Variants in TMEM117 observed in about 807,000 individuals in gnomAD.
TMEM117 encodes the protein transmembrane protein 117.
A neutral mutation model predicts 52.4 loss-of-function variants in TMEM117; 27 were observed. The ratio of observed to expected loss-of-function variants is 0.51; its 90% CI spans 0.38 to 0.71. The LOEUF (loss-of-function observed/expected upper bound fraction) is 0.71. TMEM117 is among the 30% of genes least tolerant of loss of function. The pLI is 0.00. For synonymous variants in TMEM117, 215 were observed against 206.3 expected, an observed-to-expected ratio of 1.04 and a Z score of -0.36; for missense variants, 556 against 630.5, an observed-to-expected ratio of 0.88 and a Z score of 1.26.
At chr12:44,108,438 G>T (rs1283265256) in intron 3 of TMEM117, among the ~76,000 whole-genome samples, 1 of 96,110 alleles carries the variant, frequency 1.0e-5, no homozygotes, top group Non-Finnish European at 2.0e-5. Context: ...TCCCACCTAT[G>T]AGTGAGAATA....
At chr12:43,965,713 G>T (rs1945473139) in intron 3 of TMEM117, among the ~76,000 whole-genome samples, 1 of 152,170 alleles carries the variant, frequency 6.6e-6, no homozygotes, top group Admixed American at 6.5e-5. Flanking sequence ...AGATTAGGAA[G>T]AGTAAGCAAT....
chr12:43,949,521 C>T (rs148124741), intron 3 of TMEM117, among the ~76,000 whole-genome samples: 22 of 152,258 alleles, frequency 1.4e-4, no homozygotes, highest in East Asian at 3.9e-4. Context: ...AGTTAAACTC[C>T]GCCATTTTGT....
chr12:44,348,876 T>G (rs17094496), intron 6 of TMEM117, among the ~76,000 whole-genome samples: 4,306 of 152,018 alleles, frequency 0.028, 70 homozygotes, highest in Middle Eastern at 0.051. Context: ...GGTCTTATTC[T>G]TTTTTCATTC....
At chr12:43,910,666 T>C (rs1269043431) in intron 2 of TMEM117, among the ~76,000 whole-genome samples, 1 of 147,840 alleles carries the variant, frequency 6.8e-6, no homozygotes, top group Non-Finnish European at 1.5e-5. Flanking sequence ...ACAAAATCAA[T>C]GTACAAAAAT....
At chr12:43,799,390 T>G in the TMEM117 span, 3 of 1,582,108 alleles carry the variant, frequency 1.9e-6, no homozygotes, top group East Asian at 6.7e-5. Flanking sequence ...TTTGTAGTTG[T>G]AACTTACCTC....
At chr12:44,272,796 T>C (rs1360612401) in intron 5 of TMEM117, among the ~76,000 whole-genome samples, 1 of 152,162 alleles carries the variant, frequency 6.6e-6, no homozygotes, top group East Asian at 1.9e-4. Flanking sequence ...GTTCAACCAC[T>C]GTGGAAGACA....
At chr12:44,158,078 T>C (rs562233746) in intron 4 of TMEM117, among the ~76,000 whole-genome samples, 97 of 152,312 alleles carry the variant, frequency 6.4e-4, no homozygotes, top group African/African-American at 2.2e-3. Flanking sequence ...CTATATTCTC[T>C]AAAATGGATT....
At chr12:44,262,971 C>G (rs146795703) in intron 5 of TMEM117, among the ~76,000 whole-genome samples, 1 of 152,276 alleles carries the variant, frequency 6.6e-6, no homozygotes, top group African/African-American at 2.4e-5. Flanking sequence ...TTCTCACAAC[C>G]AGACTTTGTT....
chr12:43,828,009 A>G, the TMEM117 span, among the ~76,000 whole-genome samples: 4 of 152,326 alleles, frequency 2.6e-5, no homozygotes, highest in African/African-American at 9.6e-5. Context: ...AGAGACAAGG[A>G]AGATTCTCTT....
chr12:43,820,694 A>T, the TMEM117 span, among the ~76,000 whole-genome samples: 1 of 151,880 alleles, frequency 6.6e-6, no homozygotes, highest in Admixed American at 6.6e-5. Flanking sequence ...TATTGTCCTC[A>T]TAATCAAAAG....
intron 3 of TMEM117, among the ~76,000 whole-genome samples, chr12:44,037,269 G>A (rs906143299): frequency 3.3e-5 from 5 of 152,168 alleles, no homozygotes; most frequent in African/African-American, 1.2e-4. Context: ...CTGCAGGCGA[G>A]GCATCTTTGT....
At chr12:44,179,573 CCTT>C (rs1400173694) in intron 4 of TMEM117, among the ~76,000 whole-genome samples, 1 of 152,218 alleles carries the variant, frequency 6.6e-6, no homozygotes, top group Non-Finnish European at 1.5e-5. Flanking sequence ...TGCTTATCTC[CCTT>C]CTTCTACCTG....
chr12:43,875,564 G>T (rs1943781523), intron 2 of TMEM117, among the ~76,000 whole-genome samples: 1 of 152,056 alleles, frequency 6.6e-6, no homozygotes, highest in Non-Finnish European at 1.5e-5. Context: ...GTCCAATAAA[G>T]TTTCTCTCAT....
chr12:43,948,858 A>C (rs1945175900), intron 3 of TMEM117, among the ~76,000 whole-genome samples: 1 of 152,212 alleles, frequency 6.6e-6, no homozygotes, highest in Admixed American at 6.5e-5. Context: ...ACAAAAATGC[A>C]GAAGGATCTG....
chr12:44,192,022 C>A (rs1384515502), intron 4 of TMEM117, among the ~76,000 whole-genome samples: 1 of 152,122 alleles, frequency 6.6e-6, no homozygotes, highest in East Asian at 1.9e-4. Context: ...CAGCTTTAAG[C>A]ATTAAATTTA....
chr12:44,130,603 A>G lies in TMEM117; in HGVS notation c.411-12922A>G, dbSNP rs145829681. Among the ~76,000 whole-genome samples, 423 of 152,204 alleles carry G rather than the reference A, an allele frequency of 2.8e-3. 5 individuals are homozygous for G. Among genetic ancestry groups the G allele is most frequent in the East Asian group, 0.024 (124 of 5,170 alleles). Reference sequence around the variant, plus strand: ...AATTAGTACTAGTTTTCATTGTTGAACAGTCTCCATTGTAGGACTGTACTA... The same window carrying G: ...AATTAGTACTAGTTTTCATTGTTGAGCAGTCTCCATTGTAGGACTGTACTA... On this transcript the variant is annotated intron_variant, in intron 3 of 7. Coordinates refer to ENST00000266534, the MANE Select transcript of TMEM117 (RefSeq NM_032256.3).
intron 3 of TMEM117, among the ~76,000 whole-genome samples, chr12:44,046,395 C>G (rs572779235): frequency 1.3e-5 from 2 of 152,302 alleles, no homozygotes; most frequent in South Asian, 2.1e-4. Context: ...GTCTACCACT[C>G]CATATTGGAG....
intron 5 of TMEM117, among the ~76,000 whole-genome samples, chr12:44,213,199 T>C (rs2138403380): frequency 6.6e-6 from 1 of 152,338 alleles, no homozygotes; most frequent in South Asian, 2.1e-4. Flanking sequence ...ATTTATTTAA[T>C]CATGACAATC....
intron 4 of TMEM117, among the ~76,000 whole-genome samples, chr12:44,197,211 T>G (rs1228646817): frequency 6.6e-6 from 1 of 152,190 alleles, no homozygotes; most frequent in Non-Finnish European, 1.5e-5. Context: ...TGCTTTTTTG[T>G]GTGTTCCAAG....
Sources: gnomAD v4.1 joint callset for allele counts (sites outside exome capture counted in the v4.1 genomes callset) on GRCh38, gnomAD v4.1.1 for gene constraint, MANE v1.5 for transcripts, NCBI Gene and HGNC (gene_info 2026-07-23, HGNC 2026-07-21) for gene names.